Variants in SHROOM4 observed in about 807,000 individuals in gnomAD.
The protein encoded by SHROOM4 is shroom family member 4.
In SHROOM4, 17 loss-of-function variants were observed where a neutral mutation model predicts 80.3. That is an observed-to-expected ratio of 0.21 (90% CI 0.14 to 0.32). The LOEUF (loss-of-function observed/expected upper bound fraction) is 0.32, where lower values mean the gene tolerates loss of function less well. Among genes scored for constraint, SHROOM4 ranks in the 10% least tolerant of loss-of-function variants. The pLI is 1.00. For missense variants in SHROOM4, 993 were observed against 1,140.3 expected, an observed-to-expected ratio of 0.87 and a Z score of 1.86; for synonymous variants, 400 against 437.5, an observed-to-expected ratio of 0.91 and a Z score of 1.07.
chrX:50,621,656 G>A (rs932744149), intron 5 of SHROOM4, among the ~76,000 whole-genome samples: 3 of 111,794 alleles, frequency 2.7e-5, no homozygotes, highest in African/African-American at 6.5e-5. Flanking sequence ...TGTGCCTGGC[G>A]TTAAATTAAT....
intron 2 of SHROOM4, among the ~76,000 whole-genome samples, chrX:50,671,038 T>C (rs1557260787): frequency 8.9e-6 from 1 of 112,035 alleles, no homozygotes; most frequent in Non-Finnish European, 1.9e-5. Flanking sequence ...AACATGAACC[T>C]CCTTGTACAT....
At chrX:50,785,491 C>T (rs1935720524) in intron 1 of SHROOM4, among the ~76,000 whole-genome samples, 1 of 111,582 alleles carries the variant, frequency 9.0e-6, no homozygotes, top group South Asian at 3.7e-4. Context: ...TATTACTCAG[C>T]AATATTAAAG....
intron 2 of SHROOM4, among the ~76,000 whole-genome samples, chrX:50,683,407 T>G (rs899555770): frequency 1.8e-5 from 2 of 111,317 alleles, no homozygotes; most frequent in African/African-American, 3.3e-5. Context: ...GAGTAAAGAT[T>G]TCATGATGAG....
At chrX:50,798,778 T>TCTGA (rs1557272332) in intron 1 of SHROOM4, among the ~76,000 whole-genome samples, 1 of 111,710 alleles carries the variant, frequency 9.0e-6, no homozygotes, top group Non-Finnish European at 1.9e-5. Flanking sequence ...TAATGGTAAC[T>TCTGA]CTGACGATCA....
intron 3 of SHROOM4, 82 bp from the exon 4 acceptor site, chrX:50,635,750 A>C: frequency 1.1e-6 from 1 of 879,556 alleles, no homozygotes; most frequent in Non-Finnish European, 1.6e-6. Context: ...GCCCAGAGGT[A>C]CCCATGCCAC....
rs144265022 is a variant in SHROOM4 at position 50,763,584 on chromosome X, C to G, written c.117+50318G>C. Among the ~76,000 whole-genome samples the G allele has an allele frequency of 6.3e-5, 7 of 111,705 alleles. No individual in the cohort carries two copies. The East Asian group carries it at 1.7e-3, about 27-fold the overall frequency. On this transcript the variant is annotated intron_variant, in intron 1 of 8. Coordinates refer to ENST00000376020, the MANE Select transcript of SHROOM4 (RefSeq NM_020717.5). ...GACTAATCTTGTGAAGTCTAATTTC[C>G]CTGCACTGTGAAATCTCCAATGTTA...
chrX:50,809,466 T>C (rs1569549383), intron 1 of SHROOM4, among the ~76,000 whole-genome samples: 1 of 112,641 alleles, frequency 8.9e-6, no homozygotes, highest in Non-Finnish European at 1.9e-5. Context: ...AGGCTAAGGA[T>C]GGCAAACACT....
intron 1 of SHROOM4, among the ~76,000 whole-genome samples, chrX:50,802,704 G>A (rs1402305189): frequency 9.0e-6 from 1 of 111,575 alleles, no homozygotes; most frequent in Non-Finnish European, 1.9e-5. Context: ...AGATGAGATC[G>A]GACAGGTTCA....
At chrX:50,644,959 G>A (rs986042502) in intron 2 of SHROOM4, among the ~76,000 whole-genome samples, 4 of 111,942 alleles carry the variant, frequency 3.6e-5, no homozygotes, top group Non-Finnish European at 7.5e-5. Flanking sequence ...AATATTACCC[G>A]TATGCAAAAT....
chrX:50,813,962 T>C lies in SHROOM4; in HGVS notation c.57A>G (p.Ala19=). 8.3e-7 allele frequency: 1 copy of C among 1,207,291 alleles called. No homozygotes were observed. The highest frequency in any genetic ancestry group is 1.1e-6 in the Non-Finnish European group (1 of 893,360). ...CCCCCTTAAGGGTGAAGCCCCAGGG[T>C]GCCCCCCCTTGCAGCTGCACAGGGA... The part of the protein sequence containing the change: ...QYVPVQLQGG[A]PWGFTLKGGL... Residue 19 remains alanine (A), a synonymous_variant, in exon 1 of 9, where the codon GCA becomes GCG. Transcript: ENST00000376020.
chrX:50,578,782 T>A, the SHROOM4 span, among the ~76,000 whole-genome samples: 1 of 111,804 alleles, frequency 8.9e-6, no homozygotes, highest in Non-Finnish European at 1.9e-5. Context: ...ATATATTCTG[T>A]GGCATGCACT....
chrX:50,745,590 CCCA>C (rs1557267557), intron 1 of SHROOM4, among the ~76,000 whole-genome samples: 12 of 111,630 alleles, frequency 1.1e-4, no homozygotes, highest in Admixed American at 9.5e-4. Flanking sequence ...AATGGGAACC[CCCA>C]ATCTTCTTGT....
chrX:50,611,693 G>GCCT (rs1557249915), intron 5 of SHROOM4, among the ~76,000 whole-genome samples: 1 of 110,680 alleles, frequency 9.0e-6, no homozygotes, highest in African/African-American at 3.3e-5. Context: ...GCCGAGGCGG[G>GCCT]CGGATCACTT....
chrX:50,606,590 T>G (rs1221849009), intron 6 of SHROOM4, among the ~76,000 whole-genome samples: 2 of 100,536 alleles, frequency 2.0e-5, no homozygotes, highest in Non-Finnish European at 4.1e-5. Context: ...CAAAAGAAAT[T>G]AAAAAAAAAA....
chrX:50,585,265 CCA>C (rs1469789041), downstream of SHROOM4, among the ~76,000 whole-genome samples: 3 of 111,717 alleles, frequency 2.7e-5, no homozygotes, highest in Non-Finnish European at 5.6e-5. Context: ...TATCCGAATA[CCA>C]CACACTGTTA....
intron 1 of SHROOM4, among the ~76,000 whole-genome samples, chrX:50,738,837 G>T (rs1285446405): frequency 1.3e-4 from 15 of 111,434 alleles, no homozygotes; most frequent in Non-Finnish European, 1.1e-4. Context: ...CTACTTTAAA[G>T]TTCATATGGA....
chrX:50,770,995 T>C (rs1935383761), intron 1 of SHROOM4, among the ~76,000 whole-genome samples: 1 of 111,739 alleles, frequency 8.9e-6, no homozygotes, highest in African/African-American at 3.3e-5. Flanking sequence ...AGAGGCACTC[T>C]GGCTGCTAGA....
Position 50,596,339 on chromosome X carries a change from T to G in SHROOM4, c.*356A>C. The G allele has an allele frequency of 2.7e-6, 1 of 371,217 alleles. No homozygotes were observed. Among genetic ancestry groups the G allele is most frequent in the Non-Finnish European group, 5.1e-6 (1 of 197,109 alleles). The allele number at this position is 371,217 out of a possible 1,213,427, so 30.6% of individuals were successfully genotyped here. A position where few individuals can be genotyped will look rare whatever the true frequency, so the allele number is the denominator to read the frequency against. Reference sequence around the variant, plus strand: ...CCTCTGAGCCTTTAGAGGCTGTTGATGATATGGGTGGGTGATGAGTACTTG... The same window carrying G: ...CCTCTGAGCCTTTAGAGGCTGTTGAGGATATGGGTGGGTGATGAGTACTTG... On this transcript the variant is annotated 3_prime_UTR_variant, in exon 9 of 9. Transcript: ENST00000376020.
chrX:50,795,077 T>C (rs1277140711), intron 1 of SHROOM4, among the ~76,000 whole-genome samples: 1 of 49,799 alleles, frequency 2.0e-5, no homozygotes, highest in African/African-American at 1.2e-4. Flanking sequence ...ATATATATGA[T>C]ATATATATAT....
Sources: allele counts gnomAD v4.1 joint callset (sites outside exome capture counted in the v4.1 genomes callset), GRCh38; gene constraint gnomAD v4.1.1; transcripts MANE v1.5; gene names NCBI Gene and HGNC (gene_info 2026-07-23, HGNC 2026-07-21).